PCBD2: variants seen among roughly 807,000 people sequenced by gnomAD.
PCBD2 encodes pterin-4-alpha-carbinolamine dehydratase 2.
Under a neutral mutation model 16.4 loss-of-function variants are expected in PCBD2, and 12 were observed. The observed-to-expected ratio is 0.73, with a 90% CI of 0.47 to 1.19. The LOEUF is 1.19. Among genes scored for constraint, PCBD2 ranks in the 50% most tolerant of loss-of-function variants. The probability of loss-of-function intolerance (pLI) is 0.00; values close to 1 mark genes in which losing one functional copy is unlikely to be tolerated. For missense variants in PCBD2, 138 were observed against 156.8 expected (o/e 0.88, Z 0.64); for synonymous variants, 58 against 61.8 (o/e 0.94, Z 0.29).
chr5:134,932,778 C>T (rs1332295679), intron 2 of PCBD2, among the ~76,000 whole-genome samples: 1 of 152,180 alleles, frequency 6.6e-6, no homozygotes, highest in Non-Finnish European at 1.5e-5. Flanking sequence ...GTCACCACAC[C>T]TGGCCAATTC....
At chr5:134,952,042 T>C (rs906841214) in intron 2 of PCBD2, among the ~76,000 whole-genome samples, 5 of 152,114 alleles carry the variant, frequency 3.3e-5, no homozygotes, top group African/African-American at 1.2e-4. Flanking sequence ...GGAAATAGAA[T>C]TTATAAATTT....
chr5:134,934,377 T>C (rs1751134409), intron 2 of PCBD2, among the ~76,000 whole-genome samples: 1 of 151,980 alleles, frequency 6.6e-6, no homozygotes, highest in Admixed American at 6.6e-5. Context: ...TGCTGGAGAG[T>C]GGCTGCTGCT....
At chr5:134,929,661 TTGTGG>T (rs1412836368) in intron 2 of PCBD2, among the ~76,000 whole-genome samples, 2 of 152,170 alleles carry the variant, frequency 1.3e-5, no homozygotes, top group Admixed American at 6.5e-5. Flanking sequence ...TTATACTTGT[TTGTGG>T]TGTTCTTTCA....
intron 2 of PCBD2, chr5:134,926,326 A>C (rs181236220): frequency 2.7e-6 from 1 of 365,612 alleles, no homozygotes; most frequent in Non-Finnish European, 4.9e-6. Context: ...GAGACTAATA[A>C]CAAGGGTGGA....
intron 2 of PCBD2, among the ~76,000 whole-genome samples, chr5:134,919,813 G>C (rs940379529): frequency 2.6e-5 from 4 of 152,176 alleles, no homozygotes; most frequent in African/African-American, 9.7e-5. Flanking sequence ...TTTTTCGTTA[G>C]TATGCCTGCC....
At chr5:134,942,371 C>T (rs1444486752) in intron 2 of PCBD2, among the ~76,000 whole-genome samples, 1 of 152,054 alleles carries the variant, frequency 6.6e-6, no homozygotes, top group African/African-American at 2.4e-5. Context: ...GTTCTCTTCT[C>T]TGTAAAATAG....
At chr5:134,908,316 A>G (rs1301985597) in intron 1 of PCBD2, among the ~76,000 whole-genome samples, 1 of 151,172 alleles carries the variant, frequency 6.6e-6, no homozygotes, top group East Asian at 1.9e-4. Flanking sequence ...ACCATGCCCA[A>G]CTAATCTAGT....
At position 134,910,478 on chromosome 5, in the gene PCBD2, A is replaced by G; in HGVS notation, c.216+12A>G. On this transcript the variant is annotated intron_variant, in intron 2 of 3. Transcript: ENST00000254908. ...ACAATTTTAATCAGGTAATTGTTAT[A>G]AATTCTTGCTAGGGCTGTGGTCTAT... is the stretch of plus-strand genomic sequence containing the variant. The G allele has an allele frequency of 6.2e-7, 1 of 1,613,636 alleles. No homozygotes were observed. Among genetic ancestry groups the G allele is most frequent in the South Asian group, 1.1e-5 (1 of 91,046 alleles).
chr5:134,952,532 G>A (rs1401319944), intron 2 of PCBD2, among the ~76,000 whole-genome samples: 2 of 152,142 alleles, frequency 1.3e-5, no homozygotes, highest in African/African-American at 2.4e-5. Context: ...GTGCAGTGGC[G>A]CATGCCTGTA....
chr5:134,916,254 C>T (rs189630310), intron 2 of PCBD2, among the ~76,000 whole-genome samples: 1 of 152,274 alleles, frequency 6.6e-6, no homozygotes, highest in East Asian at 1.9e-4. Flanking sequence ...TGCACTACCA[C>T]ACTCCAGGCT....
At chr5:134,932,914 A>G (rs963073110) in intron 2 of PCBD2, among the ~76,000 whole-genome samples, 1 of 152,212 alleles carries the variant, frequency 6.6e-6, no homozygotes, top group African/African-American at 2.4e-5. Flanking sequence ...CATACTCCAC[A>G]GAGATCCACA....
At chr5:134,909,778 C>G (rs1580876183) in intron 1 of PCBD2, among the ~76,000 whole-genome samples, 1 of 152,138 alleles carries the variant, frequency 6.6e-6, no homozygotes, top group Admixed American at 6.6e-5. Flanking sequence ...CTGTAATAAA[C>G]CACAGAAGGG....
intron 2 of PCBD2, chr5:134,928,640 C>T (rs926966684): frequency 3.4e-5 from 6 of 174,550 alleles, no homozygotes; most frequent in East Asian, 1.5e-4. Context: ...TGAGACCATC[C>T]TGGCTAACGT....
intron 2 of PCBD2, among the ~76,000 whole-genome samples, chr5:134,920,651 G>A (rs1750891931): frequency 6.6e-6 from 1 of 150,958 alleles, no homozygotes; most frequent in Non-Finnish European, 1.5e-5. Context: ...AACAGGGCAG[G>A]ATGGAGGCTT....
chr5:134,928,678 CA>C (rs1350031903), intron 2 of PCBD2, among the ~76,000 whole-genome samples: 2 of 151,914 alleles, frequency 1.3e-5, no homozygotes, highest in African/African-American at 2.4e-5. Flanking sequence ...ACTAAAAATA[CA>C]AAAAAATTAG....
At chr5:134,918,927 G>A (rs1258587276) in intron 2 of PCBD2, among the ~76,000 whole-genome samples, 1 of 152,154 alleles carries the variant, frequency 6.6e-6, no homozygotes, top group Admixed American at 6.5e-5. Context: ...TGATTGTGTC[G>A]TACAGTAGGT....
At chr5:134,957,339 C>T (rs970106105) in intron 2 of PCBD2, among the ~76,000 whole-genome samples, 2 of 152,188 alleles carry the variant, frequency 1.3e-5, no homozygotes, top group African/African-American at 2.4e-5. Flanking sequence ...ATCCAGGACT[C>T]CCTGGCTCAA....
chr5:134,947,902 C>T (rs1282967512), intron 2 of PCBD2, among the ~76,000 whole-genome samples: 5 of 151,700 alleles, frequency 3.3e-5, no homozygotes, highest in Non-Finnish European at 7.4e-5. Context: ...CTTTGCAATA[C>T]CTCTCACCTC....
At chr5:134,956,081 G>T (rs1330598585) in intron 2 of PCBD2, among the ~76,000 whole-genome samples, 2 of 152,178 alleles carry the variant, frequency 1.3e-5, no homozygotes, top group Non-Finnish European at 2.9e-5. Context: ...GGTTGGTTCT[G>T]TTATATGGAA....
Sources: gnomAD v4.1 joint callset for allele counts (sites outside exome capture counted in the v4.1 genomes callset) on GRCh38, gnomAD v4.1.1 for gene constraint, MANE v1.5 for transcripts, NCBI Gene and HGNC (gene_info 2026-07-23, HGNC 2026-07-21) for gene names.